Variants in NEDD4 observed in about 807,000 individuals in gnomAD.
The protein encoded by NEDD4 is NEDD4 E3 ubiquitin protein ligase.
NEDD4 carries 99 observed loss-of-function variants against 144.9 expected under a neutral mutation model. The observed-to-expected ratio is 0.68, with a 90% CI of 0.58 to 0.81. The LOEUF (loss-of-function observed/expected upper bound fraction) is 0.81. Among genes scored for constraint, NEDD4 ranks in the 30% least tolerant of loss-of-function variants. The pLI, the probability that NEDD4 is intolerant of heterozygous loss-of-function variation, is 0.00. For missense variants in NEDD4, 985 were observed against 1,065.9 expected (o/e 0.92, Z 1.06); for synonymous variants, 318 against 350.6 (o/e 0.91, Z 1.04).
At chr15:55,938,790 T>TCAA (rs1377649609) in intron 4 of NEDD4, among the ~76,000 whole-genome samples, 3 of 150,970 alleles carry the variant, frequency 2.0e-5, no homozygotes, top group African/African-American at 7.3e-5. Context: ...AAAACAAGCA[T>TCAA]CAACAACAAC....
chr15:55,840,551 C>G (rs2141981899), intron 20 of NEDD4, 34 bp from the exon 21 acceptor site: 1 of 1,613,398 alleles, frequency 6.2e-7, no homozygotes, highest in Non-Finnish European at 8.5e-7. Flanking sequence ...AGGATGATTA[C>G]CAAGTGAAAG....
In NEDD4 at chr15:55,924,630, G is replaced by C; in HGVS notation, c.291+16C>G. ...TACCCTTACTTCATATTTCATATAA[G>C]CACAATATAACTTACCAATCGGTTT... On this transcript the variant is annotated intron_variant, in intron 5 of 28. Transcript: ENST00000435532. The C allele has an allele frequency of 6.2e-7, 1 of 1,600,238 alleles. No individual in the cohort carries two copies.
Position 55,965,933 on chromosome 15 carries a change from T to C in NEDD4, c.119+540A>G, listed in dbSNP as rs1174722296. ...TCCCAAATTACTAAGATTACAGGCA[T>C]GAGCCACCATGCCTGGCCCTATTTG... On this transcript the variant is annotated intron_variant, in intron 2 of 28. Transcript: ENST00000435532. Among the ~76,000 whole-genome samples the C allele has an allele frequency of 2.6e-5, 4 of 152,310 alleles. No homozygotes were observed. The East Asian group carries it at 7.7e-4, about 29-fold the overall frequency.
intron 2 of NEDD4, among the ~76,000 whole-genome samples, chr15:55,960,859 T>C (rs1362461361): frequency 6.6e-6 from 1 of 152,212 alleles, no homozygotes; most frequent in Non-Finnish European, 1.5e-5. Context: ...CTCTTTGCCC[T>C]GTTCCCCACC....
chr15:55,962,531 T>C (rs1231803586), intron 2 of NEDD4, among the ~76,000 whole-genome samples: 1 of 151,774 alleles, frequency 6.6e-6, no homozygotes, highest in Admixed American at 6.6e-5. Context: ...GCAACCTCCA[T>C]CTCCCAGGTT....
chr15:55,877,670 T>C (rs1308793503), intron 5 of NEDD4, among the ~76,000 whole-genome samples: 1 of 152,206 alleles, frequency 6.6e-6, no homozygotes, highest in African/African-American at 2.4e-5. Context: ...GCTTGCCAAA[T>C]GTTGACTTTC....
intron 26 of NEDD4, 61 bp downstream of exon 26, chr15:55,833,977 T>G: frequency 8.3e-6 from 10 of 1,200,182 alleles, no homozygotes; most frequent in Non-Finnish European, 1.2e-5. Context: ...AATCAAGAGT[T>G]GACTTAAATA....
intron 5 of NEDD4, among the ~76,000 whole-genome samples, chr15:55,913,642 CA>C (rs1229853192): frequency 6.6e-6 from 1 of 151,820 alleles, no homozygotes; most frequent in African/African-American, 2.4e-5. Flanking sequence ...TTGATTGTCA[CA>C]AAAAATATTT....
chr15:55,855,236 TG>T (rs1207470080), intron 12 of NEDD4, among the ~76,000 whole-genome samples: 1 of 152,204 alleles, frequency 6.6e-6, no homozygotes, highest in Non-Finnish European at 1.5e-5. Context: ...TCTGCATTCC[TG>T]TGCTAGAACA....
chr15:55,956,861 G>A (rs1680749015), intron 2 of NEDD4, among the ~76,000 whole-genome samples: 1 of 151,960 alleles, frequency 6.6e-6, no homozygotes, highest in African/African-American at 2.4e-5. Flanking sequence ...ATTTTTATTG[G>A]GATTGTGCCA....
At chr15:55,904,578 C>T (rs1340739059) in intron 5 of NEDD4, among the ~76,000 whole-genome samples, 3 of 152,160 alleles carry the variant, frequency 2.0e-5, no homozygotes, top group Non-Finnish European at 4.4e-5. Context: ...GCTGGGATTA[C>T]AGGTGTGAGC....
At position 55,837,780 on chromosome 15, in the gene NEDD4, A is replaced by G. The variant is rs758217633; in HGVS notation, c.2262+9T>C. 3.5e-5 allele frequency: 56 copies of G among 1,605,358 alleles called. No individual in the cohort carries two copies. The highest frequency in any genetic ancestry group is 8.4e-5 in the Admixed American group (5 of 59,690). ...CATTATGGAAGAGCAAATAAAAGAAAATGAATACCTCTTTAAAAGCAGCCA... is the reference window on the plus strand; with the variant it reads ...CATTATGGAAGAGCAAATAAAAGAAGATGAATACCTCTTTAAAAGCAGCCA... On this transcript the variant is annotated intron_variant, in intron 24 of 28. Coordinates refer to ENST00000435532, the MANE Select transcript of NEDD4 (RefSeq NM_006154.4).
chr15:55,852,315 A>AG, intron 13 of NEDD4, 109 bp downstream of exon 13: 1 of 1,196,148 alleles, frequency 8.4e-7, no homozygotes, highest in Non-Finnish European at 1.1e-6. Context: ...AAAAAAAAAA[A>AG]GAAGGTGGTA....
chr15:55,985,758 CAT>C (rs1408586759), intron 1 of NEDD4, among the ~76,000 whole-genome samples: 11 of 112,212 alleles, frequency 9.8e-5, no homozygotes, highest in African/African-American at 4.2e-4. Context: ...GTAGAGTACA[CAT>C]ACACACACAC....
At chr15:55,906,790 A>T (rs905702755) in intron 5 of NEDD4, among the ~76,000 whole-genome samples, 3 of 152,312 alleles carry the variant, frequency 2.0e-5, no homozygotes, top group South Asian at 2.1e-4. Flanking sequence ...ATTAAAAAAT[A>T]AATAAATAAA....
At chr15:55,900,472 C>T (rs1183570497) in intron 5 of NEDD4, among the ~76,000 whole-genome samples, 2 of 152,126 alleles carry the variant, frequency 1.3e-5, no homozygotes, top group East Asian at 3.9e-4. Flanking sequence ...TAGCTTGCTC[C>T]AAAATTATGG....
chr15:55,868,659 C>G (rs796500771), intron 8 of NEDD4, among the ~76,000 whole-genome samples: 14 of 152,266 alleles, frequency 9.2e-5, no homozygotes, highest in African/African-American at 3.4e-4. Context: ...GAACTGAGTC[C>G]ATTAAACCTG....
chr15:55,923,517 A>T (rs1217371803), intron 5 of NEDD4, among the ~76,000 whole-genome samples: 1 of 151,652 alleles, frequency 6.6e-6, no homozygotes, highest in Non-Finnish European at 1.5e-5. Context: ...TGTGGTGGTG[A>T]GCGCCTGTGG....
intron 5 of NEDD4, among the ~76,000 whole-genome samples, chr15:55,889,534 G>A (rs1347390660): frequency 6.6e-6 from 1 of 152,080 alleles, no homozygotes; most frequent in Non-Finnish European, 1.5e-5. Flanking sequence ...CAATTGAACT[G>A]AGATAGAGAG....
Sources: allele counts gnomAD v4.1 joint callset (sites outside exome capture counted in the v4.1 genomes callset), GRCh38; gene constraint gnomAD v4.1.1; transcripts MANE v1.5; gene names NCBI Gene and HGNC (gene_info 2026-07-23, HGNC 2026-07-21).